Variants in HIPK3 observed in about 807,000 individuals in gnomAD.
HIPK3 encodes the protein homeodomain-interacting protein kinase 3.
Under a neutral mutation model 124.2 loss-of-function variants are expected in HIPK3, and 47 were observed. That is an observed-to-expected ratio of 0.38 (90% confidence interval 0.30 to 0.48). The LOEUF (loss-of-function observed/expected upper bound fraction) is 0.48. HIPK3 is among the 20% of genes least tolerant of loss of function. The pLI is 0.98. For synonymous variants in HIPK3, 482 were observed against 515.2 expected (o/e 0.94, Z 0.87); for missense variants, 1,286 against 1,454.3 (o/e 0.88, Z 1.88).
intron 8 of HIPK3, 102 bp from the exon 9 acceptor site, chr11:33,347,191 A>T (rs1349510180): frequency 8.2e-7 from 1 of 1,216,298 alleles, no homozygotes; most frequent in Non-Finnish European, 1.1e-6. Flanking sequence ...AAAAAAAAAA[A>T]AATCTGTCAG....
chr11:33,325,752 A>G (rs1482796411), intron 2 of HIPK3, among the ~76,000 whole-genome samples: 1 of 152,224 alleles, frequency 6.6e-6, no homozygotes, highest in African/African-American at 2.4e-5. Flanking sequence ...ACAAAAAGGG[A>G]TAAGGTCTCC....
intron 1 of HIPK3, chr11:33,258,417 C>T (rs1325877419): frequency 2.0e-6 from 2 of 985,520 alleles, no homozygotes; most frequent in African/African-American, 1.7e-5. Flanking sequence ...GGCCCCGTCC[C>T]CAGCGTCGCG....
chr11:33,333,270 A>T (rs1853043177), intron 3 of HIPK3, among the ~76,000 whole-genome samples: 1 of 152,124 alleles, frequency 6.6e-6, no homozygotes, highest in Non-Finnish European at 1.5e-5. Flanking sequence ...GAATTAACAG[A>T]TGTTGGTAGA....
intron 6 of HIPK3, 94 bp from the exon 7 acceptor site, chr11:33,340,873 CT>C: frequency 1.5e-6 from 1 of 683,690 alleles, no homozygotes; most frequent in East Asian, 3.0e-5. Context: ...GGATTTTTTT[CT>C]TTTAGGAATA....
chr11:33,287,067 G>A lies in HIPK3; in HGVS notation c.653G>A (p.Gly218Glu), dbSNP rs1851576989. 1.2e-6 allele frequency: 2 copies of A among 1,614,094 alleles called. No individual in the cohort carries two copies. The highest frequency in any genetic ancestry group is 1.6e-4 in the Middle Eastern group (1 of 6,062). ...CAGGTAGTTAAATGCTGGAAAAGAG[G>A]GACAAATGAAATTGTAGCAATCAAA... Reference protein sequence around the residue: ...FGQVVKCWKRGTNEIVAIKIL... With the variant: ...FGQVVKCWKRETNEIVAIKIL... The change falls in exon 2 of 17, where the codon GGG (glycine) becomes GAG (glutamate). Residue 218 changes from glycine to glutamate, a missense_variant. By Grantham distance (98) the Gly-to-Glu change is moderately conservative (BLOSUM62 -2). Around this residue, in one of 3 missense-constraint regions of HIPK3, gnomAD observed 251 missense variants for 349.1 expected, o/e 0.72. Coordinates refer to ENST00000303296, the MANE Select transcript of HIPK3 (RefSeq NM_005734.5).
intron 2 of HIPK3, among the ~76,000 whole-genome samples, chr11:33,306,286 A>G (rs887972996): frequency 1.3e-5 from 2 of 152,206 alleles, no homozygotes; most frequent in Non-Finnish European, 2.9e-5. Context: ...TAAATGGTTA[A>G]ATATAATTAT....
chr11:33,351,989 T>A (rs58901278), intron 15 of HIPK3, 146 bp downstream of exon 15: 2 of 994,304 alleles, frequency 2.0e-6, no homozygotes, highest in African/African-American at 1.6e-5. Context: ...TCTAGTATTA[T>A]CCAGTGCTTG....
At chr11:33,339,305 T>C in intron 5 of HIPK3, 45 bp from the exon 6 acceptor site, 8 of 1,476,866 alleles carry the variant, frequency 5.4e-6, no homozygotes, top group Non-Finnish European at 7.5e-6. Flanking sequence ...TACTACTCTC[T>C]GTGACTTATT....
chr11:33,279,324 CAAAAAAAAA>C lies in HIPK3; in HGVS notation c.-2-7073_-2-7065del, dbSNP rs869091127. 5.2e-5 allele frequency among the ~76,000 whole-genome samples: 4 copies of C among 77,528 alleles called. 1 individual carries two copies. Among genetic ancestry groups the C allele is most frequent in the South Asian group, 4.8e-4 (1 of 2,100 alleles). 50.9% of individuals were successfully genotyped at this position (77,528 alleles called of 152,430 possible). On this transcript the variant is annotated intron_variant, in intron 1 of 16. Coordinates refer to ENST00000303296, the MANE Select transcript of HIPK3 (RefSeq NM_005734.5). ...GGCAACAGAGGGAGACTCTTTGTCT[CAAAAAAAAA>C]AAAAAAAAAAAAAAAGAGAAGAAGA...
rs775753278 is a variant in HIPK3 at position 33,353,443 on chromosome 11, T to C, written c.3523T>C (p.Ser1175Pro). 1.9e-6 allele frequency: 3 copies of C among 1,613,884 alleles called. No homozygotes were observed. The highest frequency in any genetic ancestry group is 8.5e-7 in the Non-Finnish European group (1 of 1,179,764). ...PVGLNPRLLP[S>P]PTIHQTQYKP... The stretch of plus-strand genomic sequence containing the variant: ...GGGCTTAAATCCCCGTCTGTTACCA[T>C]CCCCAACCATTCATCAGACTCAGTA... The change falls in exon 17 of 17, where the codon TCC (serine) becomes CCC (proline). Residue 1175 changes from serine to proline, a missense_variant. Ser to Pro is a moderately conservative substitution (Grantham distance 74). This residue lies in a region of HIPK3 where 810 missense variants were observed against 864.9 expected (regional missense o/e 0.94). Coordinates refer to ENST00000303296, the MANE Select transcript of HIPK3 (RefSeq NM_005734.5).
chr11:33,336,100 A>AG (rs1853139186), intron 3 of HIPK3, among the ~76,000 whole-genome samples: 4 of 152,216 alleles, frequency 2.6e-5, no homozygotes, highest in Admixed American at 2.6e-4. Context: ...AAATATAGCC[A>AG]GGAGGATGGT....
At chr11:33,334,417 A>G (rs1484813544) in intron 3 of HIPK3, among the ~76,000 whole-genome samples, 1 of 152,088 alleles carries the variant, frequency 6.6e-6, no homozygotes, top group Non-Finnish European at 1.5e-5. Flanking sequence ...AGGAAAGAGA[A>G]ACTGGCCCAT....
intron 2 of HIPK3, among the ~76,000 whole-genome samples, chr11:33,296,811 C>A (rs1851854013): frequency 6.6e-6 from 1 of 152,176 alleles, no homozygotes; most frequent in African/African-American, 2.4e-5. Context: ...TGAGACACAA[C>A]AATATTGAAA....
chr11:33,308,651 C>T (rs1852236856), intron 2 of HIPK3, among the ~76,000 whole-genome samples: 2 of 147,998 alleles, frequency 1.4e-5, no homozygotes, highest in South Asian at 4.3e-4. Flanking sequence ...TGAGATTCTG[C>T]TTGGGGTTTA....
chr11:33,294,154 A>T (rs1851775775), intron 2 of HIPK3, among the ~76,000 whole-genome samples: 1 of 83,422 alleles, frequency 1.2e-5, no homozygotes, highest in Non-Finnish European at 2.9e-5. Context: ...ACTCCATCTG[A>T]AAAAGAAAAA....
At chr11:33,350,097 A>G (rs1350962807) in intron 14 of HIPK3, among the ~76,000 whole-genome samples, 3 of 152,252 alleles carry the variant, frequency 2.0e-5, no homozygotes, top group African/African-American at 4.8e-5. Flanking sequence ...TAAAAAAGCC[A>G]CATTCTTAAT....
intron 1 of HIPK3, among the ~76,000 whole-genome samples, chr11:33,258,096 C>G (rs1272242410): frequency 6.6e-6 from 1 of 152,088 alleles, no homozygotes; most frequent in Non-Finnish European, 1.5e-5. Flanking sequence ...GCAGTGTGGC[C>G]CGGTATGAGC....
intron 3 of HIPK3, among the ~76,000 whole-genome samples, chr11:33,332,378 A>G (rs1474650908): frequency 6.6e-6 from 1 of 152,216 alleles, no homozygotes; most frequent in Non-Finnish European, 1.5e-5. Flanking sequence ...TTGATTGTAG[A>G]TAAACTGTCT....
chr11:33,260,805 G>A (rs950492106), intron 1 of HIPK3, among the ~76,000 whole-genome samples: 2 of 152,098 alleles, frequency 1.3e-5, no homozygotes, highest in Admixed American at 1.3e-4. Context: ...AGAGGACACA[G>A]AATAACTTGA....
Sources: gnomAD v4.1 joint callset for allele counts (sites outside exome capture counted in the v4.1 genomes callset) on GRCh38, gnomAD v4.1.1 for gene constraint, gnomAD v4.1.1 regional missense constraint, MANE v1.5 for transcripts, NCBI Gene and HGNC (gene_info 2026-07-23, HGNC 2026-07-21) for gene names.